CGN: variants seen among roughly 807,000 people sequenced by gnomAD.
The protein encoded by CGN is cingulin.
Under a neutral mutation model 157.1 loss-of-function variants are expected in CGN, and 121 were observed. The ratio of observed to expected loss-of-function variants is 0.77; its 90% CI spans 0.66 to 0.90. The LOEUF (loss-of-function observed/expected upper bound fraction) is 0.90. CGN is among the 40% of genes least tolerant of loss of function. The pLI is 0.00. For synonymous variants in CGN, 535 were observed against 607.5 expected, an observed-to-expected ratio of 0.88 and a Z score of 1.76; for missense variants, 1,424 against 1,520.9, an observed-to-expected ratio of 0.94 and a Z score of 1.06.
In CGN at chr1:151,511,435, T is replaced by TGCCCTA. The variant is rs1553244424; in HGVS notation, c.-91_-90insTAGCCC. ...AGGGCCGGAGCTGCGCGTGCTGCTT[T>TGCCCTA]GCCCGAGCCCGAGCCCGAGCCCGAG... On this transcript the variant is annotated 5_prime_UTR_variant, in exon 1 of 21. Coordinates refer to ENST00000271636, the MANE Select transcript of CGN (RefSeq NM_020770.3). The surrounding 1 kb of genome is among the most constrained non-coding windows in gnomAD (Gnocchi z 4.8). 1.3e-5 allele frequency: 2 copies of TGCCCTA among 150,270 alleles called. No individual in the cohort carries two copies. The highest frequency in any genetic ancestry group is 2.9e-5 in the Non-Finnish European group (2 of 69,936). The allele number at this position is 150,270 out of a possible 1,614,324, so 9.3% of individuals were successfully genotyped here. A position where few individuals can be genotyped will look rare whatever the true frequency, so the allele number is the denominator to read the frequency against.
At chr1:151,513,480 T>C (rs994070088) in intron 1 of CGN, among the ~76,000 whole-genome samples, 5 of 152,204 alleles carry the variant, frequency 3.3e-5, no homozygotes, top group Admixed American at 6.5e-5. Context: ...GTCACTGAGC[T>C]GTCCTTTTCT....
At chr1:151,528,551 G>T (rs1664753397) in intron 10 of CGN, among the ~76,000 whole-genome samples, 2 of 151,702 alleles carry the variant, frequency 1.3e-5, no homozygotes, top group African/African-American at 4.8e-5. Context: ...CAAGCAGCTG[G>T]GATTACAGGC....
chr1:151,528,198 A>AG (rs2102497291), intron 10 of CGN, among the ~76,000 whole-genome samples: 1 of 151,702 alleles, frequency 6.6e-6, no homozygotes, highest in Admixed American at 6.6e-5. Context: ...CGTGTTAACC[A>AG]GGTTGGTCTT....
intron 13 of CGN, among the ~76,000 whole-genome samples, chr1:151,531,515 G>A (rs1370331399): frequency 6.6e-6 from 1 of 152,166 alleles, no homozygotes; most frequent in Non-Finnish European, 1.5e-5. Flanking sequence ...GGTAGAGCCA[G>A]GATTTGAACC....
At chr1:151,519,479 C>G (rs1664492309) in intron 2 of CGN, 87 bp downstream of exon 2, 1 of 1,241,510 alleles carries the variant, frequency 8.1e-7, no homozygotes, top group African/African-American at 1.5e-5. Context: ...AGCCTCCTTG[C>G]TAATTCAAAT....
At position 151,536,093 on chromosome 1, in the gene CGN, CT is replaced by C. The variant is rs1289828265; in HGVS notation, c.3198-143del. 10 of 722,796 alleles carry C rather than the reference CT, an allele frequency of 1.4e-5. No homozygotes were observed. The Admixed American group carries it at 2.2e-4, about 16-fold the overall frequency. The allele number at this position is 722,796 out of a possible 1,614,324, so 44.8% of individuals were successfully genotyped here. On this transcript the variant is annotated intron_variant, in intron 18 of 20. Coordinates refer to ENST00000271636, the MANE Select transcript of CGN (RefSeq NM_020770.3). The stretch of plus-strand genomic sequence containing the variant: ...TGAAATGTGAATGACGTCACTCTCC[CT>C]CATTCTTTGAATCTGCCCTGGATCC...
intron 10 of CGN, chr1:151,527,818 C>CACACAG (rs1664720046): frequency 4.5e-6 from 1 of 220,990 alleles, no homozygotes; most frequent in Non-Finnish European, 8.9e-6. Flanking sequence ...TACACACACA[C>CACACAG]ACACACACAC....
chr1:151,534,937 A>C lies in CGN; in HGVS notation c.2905-105A>C, dbSNP rs1293843607. 1.7e-5 allele frequency: 13 copies of C among 787,110 alleles called. No homozygotes were observed. In the South Asian group the frequency reaches 2.0e-4, roughly 12 times the overall value. The allele number at this position is 787,110 out of a possible 1,614,324, so 48.8% of individuals were successfully genotyped here. A position where few individuals can be genotyped will look rare whatever the true frequency, so the allele number is the denominator to read the frequency against. ...GTACCAAAAGGTTACTGGGATGTGC[A>C]AGAGAGAAAAGTCTGTTAATGCTGG... On this transcript the variant is annotated intron_variant, in intron 15 of 20. Transcript: ENST00000271636.
chr1:151,529,369 A>G lies in CGN; in HGVS notation c.1916A>G (p.Glu639Gly). 6.2e-7 allele frequency: 1 copy of G among 1,613,504 alleles called. No homozygotes were observed. Reference protein sequence around the residue: ...VLKKELLRTQEELKELQAERQ... With the variant: ...VLKKELLRTQGELKELQAERQ... ...TTCCAGGAGCTGCTCCGGACACAGG[A>G]GGAGCTTAAGGAACTGCAGGCAGAA... Residue 639 changes from glutamate (E) to glycine (G), a missense_variant, in exon 11 of 21, where the codon GAG becomes GGG. Physicochemically the swap from Glu to Gly is moderately conservative, Grantham distance 98. Around this residue, in one of 3 missense-constraint regions of CGN, gnomAD observed 1,187 missense variants for 1,217.6 expected, o/e 0.97. Coordinates refer to ENST00000271636, the MANE Select transcript of CGN (RefSeq NM_020770.3).
intron 9 of CGN, among the ~76,000 whole-genome samples, chr1:151,526,413 G>A (rs891628670): frequency 6.6e-6 from 1 of 151,232 alleles, no homozygotes; most frequent in Admixed American, 6.6e-5. Context: ...CTGACTTCGT[G>A]ATCCTCCCAC....
In CGN at chr1:151,537,253, G is replaced by T. The variant is rs368157371; in HGVS notation, c.3519G>T (p.Gly1173=). The T allele has an allele frequency of 9.8e-5, 158 of 1,614,072 alleles. 2 individuals carry two copies. In the African/African-American group the frequency reaches 1.9e-3, roughly 19 times the overall value. The change falls in exon 21 of 21, where the codon GGG becomes GGT. Residue 1173 remains glycine, a synonymous_variant. Coordinates refer to ENST00000271636, the MANE Select transcript of CGN (RefSeq NM_020770.3). ...SAAESALKNE[G]LSSDEEFDSV... ...CTGAGTCAGCTCTCAAAAACGAAGG[G>T]CTGAGCTCAGATGAGGAATTCGACA...
chr1:151,530,261 C>T, intron 12 of CGN, 146 bp downstream of exon 12: 1 of 1,023,528 alleles, frequency 9.8e-7, no homozygotes, highest in Non-Finnish European at 1.4e-6. Flanking sequence ...GGGTTTATTT[C>T]CTGGTGTATA....
At chr1:151,536,016 T>C in intron 18 of CGN, 118 bp downstream of exon 18, 1 of 808,966 alleles carries the variant, frequency 1.2e-6, no homozygotes, top group East Asian at 2.7e-5. Flanking sequence ...CCTGGCCTGA[T>C]CTTTAGGGAA....
chr1:151,525,574 C>T, intron 8 of CGN, 68 bp from the exon 9 acceptor site: 1 of 1,371,422 alleles, frequency 7.3e-7, no homozygotes, highest in Non-Finnish European at 9.7e-7. Flanking sequence ...CTTGTACACA[C>T]TCACACTTTG....
chr1:151,526,883 A>AG, intron 9 of CGN, 92 bp from the exon 10 acceptor site: 2 of 1,487,208 alleles, frequency 1.3e-6, no homozygotes, highest in Non-Finnish European at 1.9e-6. Context: ...GTTGGCCTCC[A>AG]GAGAGGTGGC....
At chr1:151,511,113 T>C (rs967208819), upstream of CGN, 1 of 152,226 alleles carries the variant, frequency 6.6e-6, no homozygotes, top group African/African-American at 2.4e-5. The surrounding 1 kb of genome is among the most constrained non-coding windows in gnomAD (Gnocchi z 4.8). Flanking sequence ...GCTCCCGGGA[T>C]CTTGGCCGGC....
Position 151,530,491 on chromosome 1 carries a change from A to G in CGN, c.2316A>G (p.Ala772=). Residue 772 remains alanine, a splice_region_variant and synonymous_variant, in exon 13 of 21, where the codon GCA becomes GCG. Transcript: ENST00000271636. Reference sequence around the variant, plus strand: ...AACCCTGCTTCCCTACCTCCCAGGCAGAGAAACAGCAGCTGGAGGAGGCCC... The same window carrying G: ...AACCCTGCTTCCCTACCTCCCAGGCGGAGAAACAGCAGCTGGAGGAGGCCC... ...RLRDKLQRLE[A]EKQQLEEALN... is the part of the protein sequence containing the mutation. The G allele has an allele frequency of 6.3e-7, 1 of 1,577,304 alleles. No homozygotes were observed. The highest frequency in any genetic ancestry group is 1.2e-5 in the South Asian group (1 of 85,738).
At chr1:151,517,094 G>C (rs1163815089) in intron 1 of CGN, among the ~76,000 whole-genome samples, 1 of 152,110 alleles carries the variant, frequency 6.6e-6, no homozygotes, top group African/African-American at 2.4e-5. Context: ...GGAGGCAGAG[G>C]TTGCAGTGAA....
chr1:151,513,557 G>A (rs1341716049), intron 1 of CGN, among the ~76,000 whole-genome samples: 4 of 152,090 alleles, frequency 2.6e-5, no homozygotes, highest in African/African-American at 4.8e-5. Flanking sequence ...AAGTTCTCCC[G>A]TTTTCTAAAT....
Sources: allele counts gnomAD v4.1 joint callset (sites outside exome capture counted in the v4.1 genomes callset), GRCh38; gene constraint gnomAD v4.1.1; regional missense constraint gnomAD v4.1.1; non-coding constraint Gnocchi (gnomAD v3.1); transcripts MANE v1.5; gene names NCBI Gene and HGNC (gene_info 2026-07-23, HGNC 2026-07-21).